Variants in ITGAM observed in about 807,000 individuals in gnomAD.
The protein encoded by ITGAM is integrin alpha-M.
Under a neutral mutation model 137.5 loss-of-function variants are expected in ITGAM, and 79 were observed. The observed-to-expected ratio is 0.57, with a 90% CI of 0.48 to 0.69. The LOEUF is 0.69. ITGAM is among the 30% of genes least tolerant of loss of function. The pLI is 0.00. For synonymous variants in ITGAM, 583 were observed against 592.3 expected (o/e 0.98, Z 0.23); for missense variants, 1,343 against 1,483.5 (o/e 0.91, Z 1.56).
intron 12 of ITGAM, among the ~76,000 whole-genome samples, chr16:31,295,175 AT>A (rs957706948): frequency 6.6e-6 from 1 of 151,456 alleles, no homozygotes; most frequent in Non-Finnish European, 1.5e-5. Flanking sequence ...TGCCTCCAGT[AT>A]TTTTTTTCTT....
chr16:31,299,162 C>T (rs1475398857), intron 14 of ITGAM, among the ~76,000 whole-genome samples: 1 of 152,142 alleles, frequency 6.6e-6, no homozygotes, highest in Non-Finnish European at 1.5e-5. Flanking sequence ...GTAATACTGT[C>T]ATCTATTGGT....
chr16:31,304,495 G>A (rs966103330), intron 14 of ITGAM, among the ~76,000 whole-genome samples: 1 of 151,930 alleles, frequency 6.6e-6, no homozygotes, highest in Non-Finnish European at 1.5e-5. Flanking sequence ...TGGTTTTGTT[G>A]CATTTGCTTT....
At chr16:31,276,237 C>G (rs186688654) in intron 9 of ITGAM, among the ~76,000 whole-genome samples, 1 of 152,292 alleles carries the variant, frequency 6.6e-6, no homozygotes, top group Non-Finnish European at 1.5e-5. Flanking sequence ...TGCTGTCCAG[C>G]TTGACACAGA....
At chr16:31,272,446 TATATATATATATATA>T (rs2079855634) in intron 7 of ITGAM, among the ~76,000 whole-genome samples, 1 of 11,974 alleles carries the variant, frequency 8.4e-5, no homozygotes, top group African/African-American at 3.9e-4. Context: ...TATATATATA[TATATATATATATATA>T]TATTTTTTTT....
intron 28 of ITGAM, 46 bp downstream of exon 28, chr16:31,330,651 C>A (rs911035362): frequency 1.5e-6 from 2 of 1,376,652 alleles, no homozygotes; most frequent in African/African-American, 1.4e-5. Flanking sequence ...AGAGGGGCTG[C>A]GCTTGTGGAG....
Position 31,302,428 on chromosome 16 carries a change from C to CTTTCTTTCTTTCTTTCT in ITGAM, c.1707+4476_1707+4477insTCTTTCTTTCTTTCTTT, listed in dbSNP as rs71390270. ...TTCTTTTTTCTTTCTTTCTTTCTTT[C>CTTTCTTTCTTTCTTTCT]TTCTTTCTTTCTTTCTTTCTTTCTT... On this transcript the variant is annotated intron_variant, in intron 14 of 29. Transcript: ENST00000544665. Among the ~76,000 whole-genome samples the CTTTCTTTCTTTCTTTCT allele has an allele frequency of 1.6e-3, 161 of 103,134 alleles. 5 individuals are homozygous for CTTTCTTTCTTTCTTTCT. The highest frequency in any genetic ancestry group is 4.3e-3 in the Middle Eastern group (1 of 230). 67.7% of individuals were successfully genotyped at this position (103,134 alleles called of 152,430 possible). A position where few individuals can be genotyped will look rare whatever the true frequency, so the allele number is the denominator to read the frequency against.
intron 5 of ITGAM, 80 bp from the exon 6 acceptor site, chr16:31,270,874 C>T: frequency 1.1e-6 from 1 of 919,446 alleles, no homozygotes; most frequent in Non-Finnish European, 1.5e-6. Context: ...TCTCATTGTT[C>T]AGCAGAGGGC....
chr16:31,327,614 A>G (rs757544870), intron 22 of ITGAM, among the ~76,000 whole-genome samples: 13 of 150,922 alleles, frequency 8.6e-5, no homozygotes, highest in Non-Finnish European at 1.9e-4. Flanking sequence ...TAATAATAAT[A>G]ATAATAAAAA....
intron 7 of ITGAM, 118 bp downstream of exon 7, chr16:31,272,110 G>A (rs2079847975): frequency 1.6e-6 from 2 of 1,216,232 alleles, no homozygotes; most frequent in South Asian, 2.6e-5. Context: ...CACCGGCAGA[G>A]GTGGGGAGGC....
chr16:31,307,337 T>C (rs1235810521), intron 14 of ITGAM, among the ~76,000 whole-genome samples: 2 of 152,208 alleles, frequency 1.3e-5, no homozygotes, highest in Non-Finnish European at 2.9e-5. Flanking sequence ...CAGTGGTTTG[T>C]AGTTCTCCTT....
intron 2 of ITGAM, among the ~76,000 whole-genome samples, chr16:31,263,960 C>A (rs540820251): frequency 6.6e-6 from 1 of 151,668 alleles, no homozygotes; most frequent in Middle Eastern, 3.4e-3. Flanking sequence ...CTCAGCCTCC[C>A]GAGTAGCTGG....
chr16:31,320,163 T>C (rs757134334), intron 14 of ITGAM, among the ~76,000 whole-genome samples: 1 of 152,176 alleles, frequency 6.6e-6, no homozygotes, highest in Non-Finnish European at 1.5e-5. Context: ...TTCTTTGTGG[T>C]TTCCACAAAA....
chr16:31,325,446 C>G (rs1047241760), intron 20 of ITGAM, 42 bp downstream of exon 20: 1 of 1,612,672 alleles, frequency 6.2e-7, no homozygotes, highest in African/African-American at 1.3e-5. Context: ...CTTTGCTTCC[C>G]CATCCTCACG....
intron 5 of ITGAM, 46 bp from the exon 6 acceptor site, chr16:31,270,908 A>C: frequency 7.3e-7 from 1 of 1,368,812 alleles, no homozygotes; most frequent in African/African-American, 1.5e-5. Flanking sequence ...AACCCAAAAC[A>C]CCAAGTGTCA....
chr16:31,308,630 G>GT (rs1567271361), intron 14 of ITGAM, among the ~76,000 whole-genome samples: 1 of 152,206 alleles, frequency 6.6e-6, no homozygotes. Context: ...TTTTTGAAGG[G>GT]TTTTTTGTGT....
intron 23 of ITGAM, among the ~76,000 whole-genome samples, chr16:31,328,649 G>A (rs2144503627): frequency 6.6e-6 from 1 of 150,812 alleles, no homozygotes; most frequent in East Asian, 2.0e-4. Flanking sequence ...GCATATGTGT[G>A]TGTCTGAGGA....
At chr16:31,295,008 C>T (rs927833385) in intron 12 of ITGAM, among the ~76,000 whole-genome samples, 1 of 152,106 alleles carries the variant, frequency 6.6e-6, no homozygotes, top group African/African-American at 2.4e-5. Flanking sequence ...ATTCTTGGCA[C>T]CTTTATTGAA....
chr16:31,295,237 G>GT (rs1373299330), intron 12 of ITGAM, among the ~76,000 whole-genome samples: 5 of 151,526 alleles, frequency 3.3e-5, no homozygotes, highest in East Asian at 3.9e-4. Flanking sequence ...ATAAATTTTA[G>GT]TTTTTTTTCT....
rs1290463882 is a variant in ITGAM, at chr16:31,260,015, T to G, written c.-50T>G. On this transcript the variant is annotated 5_prime_UTR_variant, in exon 1 of 30. Coordinates refer to ENST00000544665, the MANE Select transcript of ITGAM (RefSeq NM_000632.4). ...TGGCTTCCTTGTGGTTCCTCAGTGG[T>G]GCCTGCAACCCCTGGTTCACCTCCT... 6.7e-7 allele frequency: 1 copy of G among 1,484,212 alleles called. No individual in the cohort carries two copies. The highest frequency in any genetic ancestry group is 1.4e-5 in the African/African-American group (1 of 71,394). 91.9% of individuals were successfully genotyped at this position (1,484,212 alleles called of 1,614,324 possible).
Sources: gnomAD v4.1 joint callset for allele counts (sites outside exome capture counted in the v4.1 genomes callset) on GRCh38, gnomAD v4.1.1 for gene constraint, MANE v1.5 for transcripts, NCBI Gene and HGNC (gene_info 2026-07-23, HGNC 2026-07-21) for gene names.